NBN: variants seen among roughly 807,000 people sequenced by gnomAD.
NBN encodes the protein nibrin.
Under a neutral mutation model 90.8 loss-of-function variants are expected in NBN, and 88 were observed. The ratio of observed to expected loss-of-function variants is 0.97; its 90% CI spans 0.82 to 1.16. The LOEUF is 1.16. NBN is among the 50% of genes most tolerant of loss of function. The pLI is 0.00. For synonymous variants in NBN, 328 were observed against 295.1 expected (o/e 1.11, Z -1.14); for missense variants, 894 against 869.6 (o/e 1.03, Z -0.35).
chr8:89,954,106 C>T (rs1184448776), intron 10 of NBN, among the ~76,000 whole-genome samples: 3 of 152,098 alleles, frequency 2.0e-5, no homozygotes, highest in Non-Finnish European at 4.4e-5. Context: ...GGATTCAAGA[C>T]AGTAAGTCAG....
intron 15 of NBN, chr8:89,936,069 C>T (rs1809659235): frequency 2.6e-6 from 1 of 384,638 alleles, no homozygotes; most frequent in South Asian, 1.9e-5. Context: ...AATGAAAAAC[C>T]AGTATTGTCT....
At chr8:89,947,109 C>A (rs1342522489) in intron 12 of NBN, among the ~76,000 whole-genome samples, 1 of 152,124 alleles carries the variant, frequency 6.6e-6, no homozygotes, top group Non-Finnish European at 1.5e-5. Context: ...ATGTAATCAG[C>A]ACATTATTAA....
Position 89,955,496 on chromosome 8 carries a change from A to G in NBN, c.1184T>C (p.Met395Thr). ...KVSKMEQKFR[M>T]LSQDAPTVKE... Reference sequence around the variant, plus strand: ...TACAGTGGGTGCATCTTGTGAAAGCATTCTGAATTTTTGTTCCATTTTGGA... The same window carrying G: ...TACAGTGGGTGCATCTTGTGAAAGCGTTCTGAATTTTTGTTCCATTTTGGA... Residue 395 changes from methionine (M) to threonine (T), a missense_variant, in exon 10 of 16, where the codon ATG becomes ACG. Coordinates refer to ENST00000265433, the MANE Select transcript of NBN (RefSeq NM_002485.5). 6.2e-7 allele frequency: 1 copy of G among 1,613,646 alleles called. No individual in the cohort carries two copies. The highest frequency in any genetic ancestry group is 8.5e-7 in the Non-Finnish European group (1 of 1,179,702).
intron 3 of NBN, 137 bp from the exon 4 acceptor site, chr8:89,981,030 G>C: frequency 1.3e-6 from 1 of 768,004 alleles, no homozygotes. Flanking sequence ...TGTAACCTAT[G>C]AAATTATCAG....
chr8:89,950,280 A>C (rs984924748), intron 11 of NBN, among the ~76,000 whole-genome samples: 1 of 152,104 alleles, frequency 6.6e-6, no homozygotes, highest in East Asian at 1.9e-4. Context: ...AGTCCCTGAT[A>C]AAAAAAAGCA....
At position 89,960,576 on chromosome 8, in the gene NBN, G is replaced by A. The variant is rs572605833; in HGVS notation, c.995-1722C>T. 1.9e-4 allele frequency among the ~76,000 whole-genome samples: 29 copies of A among 152,130 alleles called. No homozygotes were observed. In the South Asian group the frequency reaches 2.9e-3, roughly 15 times the overall value. On this transcript the variant is annotated intron_variant, in intron 8 of 15. Coordinates refer to ENST00000265433, the MANE Select transcript of NBN (RefSeq NM_002485.5). ...GTGAGGCAGGAGGATTGCTTGGGCC[G>A]AGGAGTTCAAGGCTGCGTGAGTTAT...
chr8:89,981,609 A>AG (rs1812073251), intron 2 of NBN, 86 bp from the exon 3 acceptor site: 1 of 1,462,178 alleles, frequency 6.8e-7, no homozygotes. Flanking sequence ...AAAAGACAAT[A>AG]GGCAGGTGGC....
intron 1 of NBN, among the ~76,000 whole-genome samples, chr8:89,983,246 T>C (rs918476158): frequency 2.0e-5 from 3 of 152,086 alleles, no homozygotes; most frequent in African/African-American, 7.2e-5. Flanking sequence ...ACAATCACAA[T>C]ATTATGTTTG....
chr8:89,970,602 T>G (rs759060876), intron 6 of NBN, 45 bp from the exon 7 acceptor site: 2 of 1,548,464 alleles, frequency 1.3e-6, no homozygotes. Flanking sequence ...TGTAGTAATT[T>G]TTTGAACACA....
intron 14 of NBN, chr8:89,937,339 C>T (rs543500604): frequency 4.5e-4 from 207 of 464,612 alleles, no homozygotes; most frequent in Non-Finnish European, 7.2e-4. Context: ...TGCTAGCTTG[C>T]TGAGTTTTTA....
chr8:89,956,889 C>T (rs904131776), intron 9 of NBN, among the ~76,000 whole-genome samples: 7 of 152,168 alleles, frequency 4.6e-5, no homozygotes, highest in Admixed American at 4.6e-4. Flanking sequence ...TGAAAAATTG[C>T]TATCACCTAT....
chr8:89,963,404 A>T (rs1811089548), intron 8 of NBN, among the ~76,000 whole-genome samples: 2 of 152,158 alleles, frequency 1.3e-5, no homozygotes, highest in African/African-American at 4.8e-5. Context: ...ATAACTACAC[A>T]ACAAATCCAG....
rs543830299 is a variant in NBN, at chr8:89,947,772, T to C, written c.1914+52A>G. 20 of 1,008,412 alleles carry C rather than the reference T, an allele frequency of 2.0e-5. No homozygotes were observed. In the East Asian group the frequency reaches 4.9e-4, roughly 25 times the overall value. The allele number at this position is 1,008,412 out of a possible 1,614,324, so 62.5% of individuals were successfully genotyped here. A position where few individuals can be genotyped will look rare whatever the true frequency, so the allele number is the denominator to read the frequency against. ...TGTAAAATCACAAAAATTGATGAGATGACAGTCCCCGTAAGCCAAATCTGT... is the reference window on the plus strand; with the variant it reads ...TGTAAAATCACAAAAATTGATGAGACGACAGTCCCCGTAAGCCAAATCTGT... On this transcript the variant is annotated intron_variant, in intron 12 of 15. Coordinates refer to ENST00000265433, the MANE Select transcript of NBN (RefSeq NM_002485.5).
Position 89,982,689 on chromosome 8 carries a change from C to G in NBN, c.171+33G>C, listed in dbSNP as rs375194225. ...ATATTTTGTGATTTCAACCCCCTTACTGGAAACTAGTGAAATAAAATTAGT... is the reference window on the plus strand; with the variant it reads ...ATATTTTGTGATTTCAACCCCCTTAGTGGAAACTAGTGAAATAAAATTAGT... On this transcript the variant is annotated intron_variant, in intron 2 of 15. Transcript: ENST00000265433. 3.8e-6 allele frequency: 6 copies of G among 1,583,788 alleles called. No individual in the cohort carries two copies. In the African/African-American group the frequency reaches 8.1e-5, roughly 21 times the overall value.
intron 12 of NBN, among the ~76,000 whole-genome samples, 166 bp downstream of exon 12, chr8:89,947,658 A>G (rs1207656959): frequency 2.0e-5 from 3 of 151,324 alleles, no homozygotes; most frequent in African/African-American, 7.3e-5. Flanking sequence ...AATAAATAAA[A>G]TAATAATAAT....
intron 10 of NBN, among the ~76,000 whole-genome samples, chr8:89,955,014 G>C (rs1232743289): frequency 6.6e-6 from 1 of 152,116 alleles, no homozygotes; most frequent in Non-Finnish European, 1.5e-5. Context: ...TGTGATTTTA[G>C]AGCTGAGACA....
chr8:89,975,715 G>C (rs1437382311), intron 5 of NBN, among the ~76,000 whole-genome samples: 1 of 151,990 alleles, frequency 6.6e-6, no homozygotes, highest in Non-Finnish European at 1.5e-5. Flanking sequence ...ACAACCTTAG[G>C]TTAAACACAA....
chr8:89,950,340 CT>C (rs752613905), intron 11 of NBN, among the ~76,000 whole-genome samples: 10 of 152,140 alleles, frequency 6.6e-5, no homozygotes, highest in Non-Finnish European at 1.2e-4. Context: ...TTTAAATCAT[CT>C]CTAGAATACT....
At position 89,935,292 on chromosome 8, in the gene NBN, A is replaced by G; in HGVS notation, c.*290T>C. 1 of 339,438 alleles carries G rather than the reference A, an allele frequency of 2.9e-6. No homozygotes were observed. Among genetic ancestry groups the G allele is most frequent in the Middle Eastern group, 8.6e-4 (1 of 1,162 alleles). 21.0% of individuals were successfully genotyped at this position (339,438 alleles called of 1,614,324 possible). On this transcript the variant is annotated 3_prime_UTR_variant, in exon 16 of 16. Transcript: ENST00000265433. ...AGGACAATGGTGGAAGGGTGACTTT[A>G]GTCTTTACCTTACGTACATTTAGAA...
Sources: allele counts gnomAD v4.1 joint callset (sites outside exome capture counted in the v4.1 genomes callset), GRCh38; gene constraint gnomAD v4.1.1; transcripts MANE v1.5; gene names NCBI Gene and HGNC (gene_info 2026-07-23, HGNC 2026-07-21).